The following CNTNAP2 variants were observed in gnomAD, a reference collection of about 807,000 sequenced individuals.
The protein encoded by CNTNAP2 is contactin-associated protein-like 2.
In CNTNAP2, 98 loss-of-function variants were observed where a neutral mutation model predicts 155.2. The ratio of observed to expected loss-of-function variants is 0.63; its 90% CI spans 0.54 to 0.75. The LOEUF (loss-of-function observed/expected upper bound fraction) is 0.75. Ranked by LOEUF, CNTNAP2 falls within the 30% of genes least tolerant of loss-of-function variation. The pLI, the probability that CNTNAP2 is intolerant of heterozygous loss-of-function variation, is 0.00. For missense variants in CNTNAP2, 1,727 were observed against 1,688.1 expected (o/e 1.02, Z -0.40); for synonymous variants, 651 against 631.2 (o/e 1.03, Z -0.47).
chr7:147,173,363 C>T (rs1174566554), intron 8 of CNTNAP2, among the ~76,000 whole-genome samples: 1 of 151,940 alleles, frequency 6.6e-6, no homozygotes, highest in African/African-American at 2.4e-5. Context: ...GACAATCTCC[C>T]AACTTCCCAA....
At chr7:147,770,482 G>T (rs181782246) in intron 13 of CNTNAP2, among the ~76,000 whole-genome samples, 4 of 152,136 alleles carry the variant, frequency 2.6e-5, no homozygotes, top group Non-Finnish European at 5.9e-5. Context: ...TGGCGATAAA[G>T]AGTAGAATGG....
At chr7:147,706,388 A>G (rs1354671077) in intron 13 of CNTNAP2, among the ~76,000 whole-genome samples, 3 of 151,522 alleles carry the variant, frequency 2.0e-5, no homozygotes, top group African/African-American at 2.4e-5. Context: ...ATGAATGACA[A>G]CTTTTCTGGG....
intron 9 of CNTNAP2, among the ~76,000 whole-genome samples, chr7:147,376,334 G>A (rs1016298032): frequency 6.6e-6 from 1 of 151,926 alleles, no homozygotes; most frequent in African/African-American, 2.4e-5. Flanking sequence ...TACAACTTAT[G>A]CCCTGGGTGC....
At chr7:147,556,470 TGAG>T (rs1289028771) in intron 11 of CNTNAP2, among the ~76,000 whole-genome samples, 1 of 152,160 alleles carries the variant, frequency 6.6e-6, no homozygotes, top group Non-Finnish European at 1.5e-5. Context: ...AGCCTTGATT[TGAG>T]GAGATTATCC....
intron 21 of CNTNAP2, among the ~76,000 whole-genome samples, chr7:148,294,084 G>T (rs1211194335): frequency 2.7e-5 from 4 of 147,220 alleles, no homozygotes; most frequent in Admixed American, 1.4e-4. Flanking sequence ...AAACCCTTTG[G>T]TTCACAGATG....
chr7:146,313,035 C>A (rs1295292604), intron 1 of CNTNAP2, among the ~76,000 whole-genome samples: 2 of 152,100 alleles, frequency 1.3e-5, no homozygotes, highest in Admixed American at 1.3e-4. Context: ...GCCGATATCT[C>A]CTTGACATAC....
intron 8 of CNTNAP2, among the ~76,000 whole-genome samples, chr7:147,238,408 C>A (rs530880402): frequency 3.4e-4 from 51 of 152,062 alleles, no homozygotes; most frequent in Non-Finnish European, 6.5e-4. Context: ...TGCAGACACA[C>A]ACACACACAC....
chr7:146,722,571 A>T (rs762167702), intron 1 of CNTNAP2, among the ~76,000 whole-genome samples: 2 of 152,160 alleles, frequency 1.3e-5, no homozygotes, highest in Admixed American at 6.5e-5. Context: ...GATGAGGCCA[A>T]TGAAAACTCC....
chr7:146,399,307 G>A (rs1413720104), intron 1 of CNTNAP2, among the ~76,000 whole-genome samples: 1 of 152,038 alleles, frequency 6.6e-6, no homozygotes, highest in Non-Finnish European at 1.5e-5. Context: ...TATCTGTTGA[G>A]TAACATCTCC....
chr7:147,684,125 A>G (rs1795987288), intron 13 of CNTNAP2, among the ~76,000 whole-genome samples: 1 of 151,878 alleles, frequency 6.6e-6, no homozygotes, highest in Admixed American at 6.6e-5. Context: ...GTGACTTTAA[A>G]GAGAACATGA....
At chr7:146,871,072 G>A (rs2129207216) in intron 3 of CNTNAP2, among the ~76,000 whole-genome samples, 1 of 152,248 alleles carries the variant, frequency 6.6e-6, no homozygotes, top group Non-Finnish European at 1.5e-5. Flanking sequence ...GTATTGAAAT[G>A]GATTATAACA....
At chr7:147,423,754 A>T (rs1797334786) in intron 10 of CNTNAP2, among the ~76,000 whole-genome samples, 1 of 152,132 alleles carries the variant, frequency 6.6e-6, no homozygotes, top group Non-Finnish European at 1.5e-5. Context: ...CAACATAATC[A>T]TTAACTACAA....
chr7:146,800,277 C>T (rs991945932), intron 2 of CNTNAP2, among the ~76,000 whole-genome samples: 19 of 152,134 alleles, frequency 1.2e-4, no homozygotes, highest in African/African-American at 3.1e-4. Context: ...ACACCTACAT[C>T]TCCCCAGAGC....
chr7:147,925,150 AGAGAGAAGGAAG>A (rs1340043688), intron 14 of CNTNAP2, among the ~76,000 whole-genome samples: 136 of 76,484 alleles, frequency 1.8e-3, no homozygotes, highest in East Asian at 0.016. Flanking sequence ...AGAGAGAGAG[AGAGAGAAGGAAG>A]GAAGGAAGGA....
At chr7:148,289,630 C>G (rs572349430) in intron 21 of CNTNAP2, among the ~76,000 whole-genome samples, 17 of 151,970 alleles carry the variant, frequency 1.1e-4, no homozygotes, top group Admixed American at 2.0e-4. Flanking sequence ...GGTAAAGGAA[C>G]AGAATTGCTC....
chr7:148,257,299 T>A (rs1585221590), intron 20 of CNTNAP2, among the ~76,000 whole-genome samples: 1 of 152,208 alleles, frequency 6.6e-6, no homozygotes. Context: ...CGTAAAGGCA[T>A]CCGCCGTGAA....
intron 2 of CNTNAP2, among the ~76,000 whole-genome samples, chr7:146,789,272 T>A (rs1238228445): frequency 6.6e-6 from 1 of 152,186 alleles, no homozygotes; most frequent in East Asian, 1.9e-4. Context: ...AACTTTTCTT[T>A]TGGAAAAATT....
intron 19 of CNTNAP2, among the ~76,000 whole-genome samples, chr7:148,218,250 A>G (rs1795681318): frequency 6.6e-6 from 1 of 152,244 alleles, no homozygotes; most frequent in South Asian, 2.1e-4. Context: ...ATCCTGATTT[A>G]TGATAGTATA....
rs1554474590 is a variant in CNTNAP2, at chr7:148,122,867, A to AAG, written c.2554+4580_2554+4581insGA. ...CAAGAATACATCTCAAAAAAAAAAG[A>AAG]AAAAAAAAGAAAGATCCTTAACAGA... On this transcript the variant is annotated intron_variant, in intron 16 of 23. Transcript: ENST00000361727. Among the ~76,000 whole-genome samples, 329 of 150,830 alleles carry AAG rather than the reference A, an allele frequency of 2.2e-3. 4 individuals carry two copies. Among genetic ancestry groups the AAG allele is most frequent in the African/African-American group, 7.9e-3 (320 of 40,610 alleles).
Sources: gnomAD v4.1 joint callset for allele counts (sites outside exome capture counted in the v4.1 genomes callset) on GRCh38, gnomAD v4.1.1 for gene constraint, MANE v1.5 for transcripts, NCBI Gene and HGNC (gene_info 2026-07-23, HGNC 2026-07-21) for gene names.